The following PARP10 variants were observed in gnomAD, a reference collection of about 807,000 sequenced individuals.
PARP10 encodes the protein protein mono-ADP-ribosyltransferase PARP10.
Under a neutral mutation model 82.4 loss-of-function variants are expected in PARP10, and 56 were observed. That is an observed-to-expected ratio of 0.68 (90% CI 0.55 to 0.85). The LOEUF is 0.85. Ranked by LOEUF, PARP10 falls within the 40% of genes least tolerant of loss-of-function variation. PARP10 has a pLI of 0.00. For synonymous variants in PARP10, 576 were observed against 601.1 expected, an observed-to-expected ratio of 0.96 and a Z score of 0.61; for missense variants, 1,227 against 1,379.4, an observed-to-expected ratio of 0.89 and a Z score of 1.75.
At chr8:143,991,180 TC>T (rs782081768), upstream of PARP10, 146 of 1,463,622 alleles carry the variant, frequency 1.0e-4, no homozygotes, top group Non-Finnish European at 1.2e-4. Context: ...GTTCCACTGT[TC>T]CTTGTCTGTC....
chr8:143,989,186 C>T (rs1554750079), upstream of PARP10, among the ~76,000 whole-genome samples: 1 of 152,208 alleles, frequency 6.6e-6, no homozygotes, highest in Non-Finnish European at 1.5e-5. The surrounding 1 kb of genome is among the most constrained non-coding windows in gnomAD (Gnocchi z 4.3). Context: ...CAGGTGGGGT[C>T]TGGGCCCCGG....
chr8:143,992,911 GC>G, upstream of PARP10: 1 of 1,378,822 alleles, frequency 7.3e-7, no homozygotes, highest in Non-Finnish European at 1.0e-6. Context: ...GCACGGCAGT[GC>G]CAGCTGTACT....
intron 9 of PARP10, among the ~76,000 whole-genome samples, chr8:143,979,769 T>G (rs1833802292): frequency 6.6e-6 from 1 of 152,132 alleles, no homozygotes; most frequent in Non-Finnish European, 1.5e-5. Context: ...CTCACGCCTG[T>G]AATCCCAGCA....
chr8:143,992,337 A>G (rs781952421), upstream of PARP10: 5 of 1,590,808 alleles, frequency 3.1e-6, no homozygotes, highest in African/African-American at 4.0e-5. Flanking sequence ...GCATCACCAC[A>G]GCCGTCTGCT....
rs1435054054 is a variant in PARP10, at chr8:143,977,671, G to C, written c.2891C>G (p.Pro964Arg). ...GQGRRGLRAP[P>R]LRGPGHVLLR... ...GAGCACGTGGCCAGGACCCCGCAGA[G>C]GGGGCGCCCGCAGACCGCGGCGGCC... The change falls in exon 11 of 11, where the codon CCT becomes CGT. Residue 964 changes from proline (P) to arginine (R), a missense_variant. Physicochemically the swap from Pro to Arg is moderately radical, Grantham distance 103. Transcript: ENST00000313028. 1.3e-6 allele frequency: 2 copies of C among 1,593,934 alleles called. No homozygotes were observed.
upstream of PARP10, chr8:143,986,666 AG>A (rs1307260281): frequency 1.8e-6 from 1 of 551,434 alleles, no homozygotes; most frequent in Non-Finnish European, 3.3e-6. Context: ...CCTGGTTGGC[AG>A]GGTAGACAGG....
At chr8:144,006,144 G>C (rs1834235302) in intron 1 of PARP10, among the ~76,000 whole-genome samples, 2 of 152,218 alleles carry the variant, frequency 1.3e-5, no homozygotes, top group African/African-American at 4.8e-5. Context: ...GCCAGAGAGA[G>C]AGCAATGGCT....
chr8:143,987,445 G>A (rs1834009982), upstream of PARP10, among the ~76,000 whole-genome samples: 2 of 152,342 alleles, frequency 1.3e-5, no homozygotes, highest in South Asian at 4.1e-4. Flanking sequence ...CCTGGTCCCA[G>A]CCTCCAGCAT....
In PARP10 at chr8:143,983,252, G is replaced by A. The variant is rs781808064; in HGVS notation, c.2337C>T (p.Ala779=). ...GTGCCACCAAGTGGCGGGCAGCACGGGCAGGGTGGGCCCCGAAGCCACGGA... is the reference window on the plus strand; with the variant it reads ...GTGCCACCAAGTGGCGGGCAGCACGAGCAGGGTGGGCCCCGAAGCCACGGA... ...TILRGFGAHP[A]RAARHLVALL... The change falls in exon 8 of 11, where the codon GCC becomes GCT. Residue 779 remains alanine, a synonymous_variant. Coordinates refer to ENST00000313028, the MANE Select transcript of PARP10 (RefSeq NM_032789.5). 3 of 1,613,044 alleles carry A rather than the reference G, an allele frequency of 1.9e-6. No homozygotes were observed. The highest frequency in any genetic ancestry group is 3.3e-5 in the Admixed American group (2 of 59,972).
At chr8:143,994,361 C>T (rs1554751079), upstream of PARP10, among the ~76,000 whole-genome samples, 1 of 152,228 alleles carries the variant, frequency 6.6e-6, no homozygotes, top group Non-Finnish European at 1.5e-5. Flanking sequence ...ACCTCCCCTG[C>T]CTCACCTGGC....
intron 1 of PARP10, among the ~76,000 whole-genome samples, chr8:144,002,282 T>C (rs1834208110): frequency 6.6e-6 from 1 of 152,162 alleles, no homozygotes; most frequent in African/African-American, 2.4e-5. Flanking sequence ...GGCACAGTGG[T>C]ACATGCCTGC....
At chr8:143,999,323 T>G (rs1834183921) in intron 1 of PARP10, among the ~76,000 whole-genome samples, 1 of 151,836 alleles carries the variant, frequency 6.6e-6, no homozygotes, top group Non-Finnish European at 1.5e-5. Context: ...CCACTTCAGC[T>G]TCCCAAGTAG....
rs781878372 is a variant in PARP10 at position 143,984,256 on chromosome 8, C to CCAAAGA, written c.1628_1633dup (p.Val543_Phe544dup). ...CGTGGCTGTGGCCAGGCGCTCTGTC[C>CCAAAGA]CAAAGACACACTGGAACTGAGCCTC... On this transcript the variant is annotated inframe_insertion, in exon 6 of 11. Transcript: ENST00000313028. 7 of 1,614,088 alleles carry CCAAAGA rather than the reference C, an allele frequency of 4.3e-6. No homozygotes were observed. In the South Asian group the frequency reaches 5.5e-5, roughly 13 times the overall value.
rs140734015 is a variant in PARP10, at chr8:143,983,338, G to A, written c.2251C>T (p.Arg751Cys). The A allele has an allele frequency of 6.1e-5, 98 of 1,610,090 alleles. No homozygotes were observed. The highest frequency in any genetic ancestry group is 3.8e-4 in the Admixed American group (23 of 59,768). The change falls in exon 8 of 11, where the codon CGT (arginine) becomes TGT (cysteine). Residue 751 changes from arginine (R) to cysteine (C), a missense_variant. Transcript: ENST00000313028. ...CCATGGCACCGCTCCAGGCGAGCACGCAGCTCTGCAGGCAGTGTGCGGCGC... is the reference window on the plus strand; with the variant it reads ...CCATGGCACCGCTCCAGGCGAGCACACAGCTCTGCAGGCAGTGTGCGGCGC... ...PWRRTLPAEL[R>C]ARLERCHGVS...
At chr8:143,982,058 T>A (rs1376025747) in intron 9 of PARP10, among the ~76,000 whole-genome samples, 1 of 72,760 alleles carries the variant, frequency 1.4e-5, no homozygotes, top group Non-Finnish European at 2.9e-5. Flanking sequence ...GTGATGGTGG[T>A]GATGATGGTG....
At chr8:143,991,543 G>T (rs17854152), upstream of PARP10, 3 of 1,543,874 alleles carry the variant, frequency 1.9e-6, no homozygotes, top group Non-Finnish European at 1.8e-6. Context: ...TATCCCCAGA[G>T]CCCCTTCCCC....
At chr8:144,003,862 CA>C (rs1172602681) in intron 1 of PARP10, among the ~76,000 whole-genome samples, 118 of 142,020 alleles carry the variant, frequency 8.3e-4, no homozygotes, top group Non-Finnish European at 1.2e-3. Context: ...CCCATCTCTA[CA>C]AAAAAAAAAA....
chr8:143,984,644 C>T lies in PARP10; in HGVS notation c.1358G>A (p.Gly453Glu), dbSNP rs782477992. Reference protein sequence around the residue: ...LVEMVLLMEPGAMRFLQLYHE... With the variant: ...LVEMVLLMEPEAMRFLQLYHE... The stretch of plus-strand genomic sequence containing the variant: ...GTAGAGCTGCAGGAAGCGCATCGCC[C>T]CTGGCTCCATCAATAGCACCATCTC... Residue 453 changes from glycine (G) to glutamate (E), a missense_variant, in exon 5 of 11, where the codon GGG (glycine) becomes GAG (glutamate). By Grantham distance (98) the Gly-to-Glu change is moderately conservative. Transcript: ENST00000313028. 5.6e-6 allele frequency: 9 copies of T among 1,614,082 alleles called. No homozygotes were observed. Among genetic ancestry groups the T allele is most frequent in the Non-Finnish European group, 7.6e-6 (9 of 1,179,976 alleles).
At chr8:143,992,572 C>A, upstream of PARP10, 2 of 1,614,178 alleles carry the variant, frequency 1.2e-6, no homozygotes, top group Non-Finnish European at 1.7e-6. Context: ...TCCTGGAGAT[C>A]GTGTACGCCT....
Sources: gnomAD v4.1 joint callset for allele counts (sites outside exome capture counted in the v4.1 genomes callset) on GRCh38, gnomAD v4.1.1 for gene constraint, Gnocchi (gnomAD v3.1) non-coding constraint, MANE v1.5 for transcripts, NCBI Gene and HGNC (gene_info 2026-07-23, HGNC 2026-07-21) for gene names.